The following DENND2A variants were observed in gnomAD, a reference collection of about 807,000 sequenced individuals.
The protein encoded by DENND2A is DENN domain containing 2A, also known as DENN domain-containing protein 2A.
In DENND2A, 53 loss-of-function variants were observed where a neutral mutation model predicts 105.3. That is an observed-to-expected ratio of 0.50 (90% CI 0.40 to 0.63). The LOEUF (loss-of-function observed/expected upper bound fraction) is 0.63, where lower values mean the gene tolerates loss of function less well. Ranked by LOEUF, DENND2A falls within the 30% of genes least tolerant of loss-of-function variation. The pLI is 0.00. For missense variants in DENND2A, 1,138 were observed against 1,279.6 expected, an observed-to-expected ratio of 0.89 and a Z score of 1.69; for synonymous variants, 522 against 508.4, an observed-to-expected ratio of 1.03 and a Z score of -0.36.
At chr7:140,564,229 G>A (rs1159899859) in intron 9 of DENND2A, among the ~76,000 whole-genome samples, 1 of 150,884 alleles carries the variant, frequency 6.6e-6, no homozygotes, top group African/African-American at 2.4e-5. Flanking sequence ...GCTTCAGTGA[G>A]CCAAGATTGC....
intron 1 of DENND2A, among the ~76,000 whole-genome samples, chr7:140,611,568 A>G (rs1275284467): frequency 6.6e-6 from 1 of 152,122 alleles, no homozygotes; most frequent in Non-Finnish European, 1.5e-5. Context: ...TATAAAATGA[A>G]ATGTGGAAGC....
chr7:140,533,411 T>G (rs752658946), intron 14 of DENND2A, among the ~76,000 whole-genome samples: 3 of 152,164 alleles, frequency 2.0e-5, no homozygotes, highest in Non-Finnish European at 4.4e-5. Flanking sequence ...CCTTTGTGAC[T>G]CCTAAAGCCC....
intron 14 of DENND2A, among the ~76,000 whole-genome samples, chr7:140,542,020 C>A (rs901281406): frequency 6.6e-6 from 1 of 151,928 alleles, no homozygotes; most frequent in Admixed American, 6.6e-5. Context: ...AGTTCAGAGT[C>A]AGATTTCCTC....
intron 14 of DENND2A, among the ~76,000 whole-genome samples, chr7:140,531,660 A>G (rs1796270661): frequency 6.6e-6 from 1 of 151,644 alleles, no homozygotes; most frequent in South Asian, 2.1e-4. Flanking sequence ...ATACAAAAAC[A>G]AAAAACGAGT....
chr7:140,588,824 C>A (rs1007777787), intron 3 of DENND2A, among the ~76,000 whole-genome samples: 2 of 148,060 alleles, frequency 1.4e-5, no homozygotes, highest in African/African-American at 5.1e-5. Flanking sequence ...ATCACTGCAA[C>A]CTCTGCCTCC....
chr7:140,538,969 G>A (rs62485803), intron 14 of DENND2A, among the ~76,000 whole-genome samples: 8 of 151,574 alleles, frequency 5.3e-5, no homozygotes, highest in Non-Finnish European at 1.2e-4. Context: ...GATTATAGGC[G>A]TGTGCCACCA....
In DENND2A at chr7:140,555,689, G is replaced by C; in HGVS notation, c.1984C>G (p.Pro662Ala). 6.2e-7 allele frequency: 1 copy of C among 1,608,788 alleles called. No homozygotes were observed. The highest frequency in any genetic ancestry group is 8.5e-7 in the Non-Finnish European group (1 of 1,178,516). Residue 662 changes from proline (P) to alanine (A), a missense_variant, in exon 12 of 20, where the codon CCT becomes GCT. Pro to Ala is a conservative substitution (Grantham distance 27, BLOSUM62 -1). Around this residue, in one of 2 missense-constraint regions of DENND2A, gnomAD observed 627 missense variants for 779.8 expected, o/e 0.80. Coordinates refer to ENST00000496613, the MANE Select transcript of DENND2A (RefSeq NM_015689.5). ...CGGCTCACAATGCAGTAAACTTCAG[G>C]AAGGCGCTTCCCTTTGCCTCCAGGC... ...LLPGGKGKRLPEVYCIVSRLG... is the reference protein window; with the variant it reads ...LLPGGKGKRLAEVYCIVSRLG...
chr7:140,589,753 G>A (rs1440439547), intron 3 of DENND2A, among the ~76,000 whole-genome samples: 4 of 152,070 alleles, frequency 2.6e-5, no homozygotes, highest in East Asian at 3.9e-4. Context: ...TTCAGCCTCC[G>A]GAGTAGCTGA....
At chr7:140,601,297 A>C in intron 3 of DENND2A, 106 bp downstream of exon 3, 1 of 1,419,788 alleles carries the variant, frequency 7.0e-7, no homozygotes, top group Non-Finnish European at 9.5e-7. Flanking sequence ...AAGATCCATC[A>C]GTTTAATAAA....
intron 1 of DENND2A, among the ~76,000 whole-genome samples, chr7:140,633,214 G>A (rs191204794): frequency 5.8e-4 from 88 of 152,192 alleles, no homozygotes; most frequent in African/African-American, 2.1e-3. Flanking sequence ...ATTTTTAGTA[G>A]AGATGGGGTT....
In DENND2A at chr7:140,527,023, G is replaced by T. The variant is rs74329726; in HGVS notation, c.2505+295C>A. On this transcript the variant is annotated intron_variant, in intron 15 of 19. Coordinates refer to ENST00000496613, the MANE Select transcript of DENND2A (RefSeq NM_015689.5). This position sits in a 1 kb window ranked among gnomAD's most constrained non-coding sequence, Gnocchi z 4.9. ...GCGAGAGGGCAGGGGAGAGGAGAGG[G>T]CTATTAATGACTTAAGAGTTTTGAC... Among the ~76,000 whole-genome samples, 14,885 of 152,156 alleles carry T rather than the reference G, an allele frequency of 0.098. 797 individuals carry two copies. The highest frequency in any genetic ancestry group is 0.14 in the Admixed American group (2,207 of 15,270).
chr7:140,579,147 G>C (rs1246360300), intron 5 of DENND2A, among the ~76,000 whole-genome samples: 3 of 151,878 alleles, frequency 2.0e-5, no homozygotes, highest in African/African-American at 7.2e-5. Flanking sequence ...ACAAAAATTA[G>C]CTGGGCATGG....
intron 12 of DENND2A, among the ~76,000 whole-genome samples, chr7:140,548,844 C>G (rs1045954661): frequency 6.6e-6 from 1 of 151,708 alleles, no homozygotes; most frequent in Non-Finnish European, 1.5e-5. Flanking sequence ...AACTCCCGAC[C>G]TCAGGTGATC....
chr7:140,585,887 T>C (rs1444459201), intron 4 of DENND2A, among the ~76,000 whole-genome samples, 177 bp from the exon 5 acceptor site: 2 of 152,164 alleles, frequency 1.3e-5, no homozygotes, highest in African/African-American at 2.4e-5. Flanking sequence ...GGGTTACCTC[T>C]CCATCTCCTC....
chr7:140,616,677 G>C (rs990512283), intron 1 of DENND2A, among the ~76,000 whole-genome samples: 1 of 152,076 alleles, frequency 6.6e-6, no homozygotes, highest in African/African-American at 2.4e-5. Flanking sequence ...ACCCACCCTA[G>C]ACCAAACAAA....
At chr7:140,563,813 AAAAT>A (rs1797729608) in intron 9 of DENND2A, among the ~76,000 whole-genome samples, 1 of 152,028 alleles carries the variant, frequency 6.6e-6, no homozygotes, top group Middle Eastern at 3.2e-3. Flanking sequence ...GTCTCTACGA[AAAAT>A]AAATAAATAA....
chr7:140,562,679 C>A (rs200629116), intron 9 of DENND2A, among the ~76,000 whole-genome samples: 3,469 of 110,684 alleles, frequency 0.031, 60 homozygotes, highest in Non-Finnish European at 0.044. Flanking sequence ...ACAAACAAAA[C>A]AACAACAACA....
In DENND2A at chr7:140,537,542, C is replaced by A. The variant is rs948137049; in HGVS notation, c.2327+7076G>T. ...CACTAGCCTCAAACTCCTGGGCTCA[C>A]GTGATCCTTCCACCTCAGCCTCCTG... On this transcript the variant is annotated intron_variant, in intron 14 of 19. Transcript: ENST00000496613. 8.5e-5 allele frequency among the ~76,000 whole-genome samples: 13 copies of A among 152,068 alleles called. 1 individual carries two copies. The highest frequency in any genetic ancestry group is 8.5e-4 in the Admixed American group (13 of 15,256).
chr7:140,568,884 G>T, intron 7 of DENND2A, 71 bp from the exon 8 acceptor site: 3 of 1,458,082 alleles, frequency 2.1e-6, no homozygotes, highest in Non-Finnish European at 2.9e-6. Context: ...TTTCTATGTG[G>T]TAGCACAGAT....
Sources: gnomAD v4.1 joint callset for allele counts (sites outside exome capture counted in the v4.1 genomes callset) on GRCh38, gnomAD v4.1.1 for gene constraint, gnomAD v4.1.1 regional missense constraint, Gnocchi (gnomAD v3.1) non-coding constraint, MANE v1.5 for transcripts, NCBI Gene and HGNC (gene_info 2026-07-23, HGNC 2026-07-21) for gene names.